The following CDH2 variants were observed in gnomAD, a reference collection of about 807,000 sequenced individuals.
CDH2 encodes cadherin 2.
A neutral mutation model predicts 92.0 loss-of-function variants in CDH2; 17 were observed. That is an observed-to-expected ratio of 0.18 (90% CI 0.13 to 0.28). The LOEUF is 0.28. Ranked by LOEUF, CDH2 falls within the 10% of genes least tolerant of loss-of-function variation. CDH2 has a pLI of 1.00. For synonymous variants in CDH2, 419 were observed against 415.9 expected (o/e 1.01, Z -0.09); for missense variants, 862 against 1,133.1 (o/e 0.76, Z 3.44).
chr18:27,934,339 C>T (rs186765204), intron 6 of CDH2, among the ~76,000 whole-genome samples: 4 of 152,270 alleles, frequency 2.6e-5, no homozygotes, highest in South Asian at 2.1e-4. Context: ...TGAGAGCAAT[C>T]TGAGTGCCAT....
At chr18:28,051,590 A>C (rs1462593802) in intron 2 of CDH2, among the ~76,000 whole-genome samples, 3 of 152,294 alleles carry the variant, frequency 2.0e-5, no homozygotes, top group Admixed American at 6.5e-5. Flanking sequence ...AATGTCAAAC[A>C]TTTTTATTAA....
At chr18:28,023,541 T>C (rs1296083097) in intron 2 of CDH2, among the ~76,000 whole-genome samples, 3 of 152,208 alleles carry the variant, frequency 2.0e-5, no homozygotes, top group Non-Finnish European at 4.4e-5. Context: ...GCCAGGGTGG[T>C]CTCAAACTCC....
intron 2 of CDH2, among the ~76,000 whole-genome samples, chr18:28,122,600 C>T (rs2015610216): frequency 6.6e-6 from 1 of 152,052 alleles, no homozygotes; most frequent in African/African-American, 2.4e-5. Flanking sequence ...GTCTAGAATT[C>T]TATTAGTCTT....
intron 15 of CDH2, among the ~76,000 whole-genome samples, chr18:27,957,026 T>TC (rs2011263832): frequency 6.6e-6 from 1 of 151,932 alleles, no homozygotes; most frequent in African/African-American, 2.4e-5. Context: ...CCAAAGGGAA[T>TC]CCCCCCAAAC....
intron 2 of CDH2, among the ~76,000 whole-genome samples, chr18:28,026,719 T>C (rs183941159): frequency 6.6e-6 from 1 of 152,292 alleles, no homozygotes; most frequent in Admixed American, 6.6e-5. Flanking sequence ...TAAAAAACAG[T>C]TGCAGTGAGT....
chr18:28,057,177 T>G (rs1243355021), intron 2 of CDH2, among the ~76,000 whole-genome samples: 2 of 152,200 alleles, frequency 1.3e-5, no homozygotes, highest in African/African-American at 4.8e-5. Flanking sequence ...TACAAGTTTC[T>G]GATAATTTTA....
intron 6 of CDH2, among the ~76,000 whole-genome samples, chr18:27,934,428 G>A (rs1908973595): frequency 6.6e-6 from 1 of 152,122 alleles, no homozygotes; most frequent in Non-Finnish European, 1.5e-5. Context: ...TTCTCTATCA[G>A]AATCAGAGTG....
chr18:27,978,897 C>G (rs2011943656), intron 14 of CDH2, among the ~76,000 whole-genome samples: 1 of 151,888 alleles, frequency 6.6e-6, no homozygotes, highest in African/African-American at 2.4e-5. Context: ...CTTAAGTAAT[C>G]CTCCTGCTTT....
At chr18:28,110,765 C>T (rs1308894827) in intron 2 of CDH2, among the ~76,000 whole-genome samples, 2 of 152,058 alleles carry the variant, frequency 1.3e-5, no homozygotes, top group African/African-American at 4.8e-5. Context: ...GAAAAAGACA[C>T]CTATATCTAT....
At chr18:28,155,955 C>G (rs572885264) in intron 1 of CDH2, among the ~76,000 whole-genome samples, 2 of 152,244 alleles carry the variant, frequency 1.3e-5, no homozygotes, top group South Asian at 4.1e-4. Context: ...ATGCTTAAAA[C>G]GTGCAGAAGT....
At position 28,136,385 on chromosome 18, in the gene CDH2, TC is replaced by T. The variant is rs150636363; in HGVS notation, c.172+11287del. 4.4e-3 allele frequency among the ~76,000 whole-genome samples: 669 copies of T among 150,774 alleles called. 3 individuals are homozygous for T. In the South Asian group the frequency reaches 0.045, roughly 10 times the overall value. ...TTATGGGCCACGTTCTTTGCTGTAA[TC>T]TTTTTTTTTTTTTTTTACCATCAAG... On this transcript the variant is annotated intron_variant, in intron 2 of 15. Transcript: ENST00000269141.
At chr18:28,005,658 A>ATT (rs74441046) in intron 6 of CDH2, among the ~76,000 whole-genome samples, 191 bp downstream of exon 6, 2 of 149,832 alleles carry the variant, frequency 1.3e-5, no homozygotes, top group Non-Finnish European at 3.0e-5. Context: ...AATAAGAAGG[A>ATT]TTTTTTTTTT....
chr18:28,160,160 A>C (rs1032143751), intron 1 of CDH2, among the ~76,000 whole-genome samples: 3 of 146,774 alleles, frequency 2.0e-5, no homozygotes, highest in Admixed American at 6.6e-5. Flanking sequence ...CGAGAAAAAA[A>C]TAAAAAAAAA....
chr18:27,990,421 A>G lies in CDH2; in HGVS notation c.1345-71T>C, dbSNP rs187212816. 6 of 1,416,872 alleles carry G rather than the reference A, an allele frequency of 4.2e-6. No individual in the cohort carries two copies. The East Asian group carries it at 9.2e-5, about 22-fold the overall frequency. The allele number at this position is 1,416,872 out of a possible 1,614,324, so 87.8% of individuals were successfully genotyped here. ...CTTGCATTCTGTAGTTTATTCCTCT[A>G]TCAACTCCATTTCCAAAAAATTAAT... is the stretch of plus-strand genomic sequence containing the variant. On this transcript the variant is annotated intron_variant, in intron 9 of 15. Transcript: ENST00000269141.
At chr18:27,990,502 G>T in intron 9 of CDH2, 152 bp from the exon 10 acceptor site, 1 of 649,894 alleles carries the variant, frequency 1.5e-6, no homozygotes, top group Non-Finnish European at 2.6e-6. Context: ...ACATGCATTA[G>T]CATGGTCACT....
chr18:27,936,125 A>G (rs1909012897), intron 6 of CDH2, among the ~76,000 whole-genome samples: 1 of 152,234 alleles, frequency 6.6e-6, no homozygotes, highest in Admixed American at 6.5e-5. Context: ...CTCAATGCTT[A>G]GACTTACACT....
chr18:27,987,481 T>C (rs2012272609), intron 11 of CDH2, among the ~76,000 whole-genome samples: 1 of 152,238 alleles, frequency 6.6e-6, no homozygotes, highest in South Asian at 2.1e-4. Context: ...AGTATTGATA[T>C]GTCTTATTTT....
At chr18:28,168,304 A>C (rs575538872) in intron 1 of CDH2, among the ~76,000 whole-genome samples, 94 of 152,254 alleles carry the variant, frequency 6.2e-4, no homozygotes, top group African/African-American at 2.2e-3. Context: ...TATTCACCGG[A>C]ACTTGTCTGC....
At chr18:28,044,649 AT>A (rs2014033886) in intron 2 of CDH2, among the ~76,000 whole-genome samples, 2 of 152,194 alleles carry the variant, frequency 1.3e-5, no homozygotes, top group Non-Finnish European at 2.9e-5. Context: ...ATTAAAAATA[AT>A]AATGGAAAAC....
Sources: gnomAD v4.1 joint callset for allele counts (sites outside exome capture counted in the v4.1 genomes callset) on GRCh38, gnomAD v4.1.1 for gene constraint, MANE v1.5 for transcripts, NCBI Gene and HGNC (gene_info 2026-07-23, HGNC 2026-07-21) for gene names.